The following CRTC1 variants were observed in gnomAD, a reference collection of about 807,000 sequenced individuals.
The protein encoded by CRTC1 is CREB regulated transcription coactivator 1.
CRTC1 carries 18 observed loss-of-function variants against 66.1 expected under a neutral mutation model. The ratio of observed to expected loss-of-function variants is 0.27; its 90% CI spans 0.19 to 0.40. The LOEUF (loss-of-function observed/expected upper bound fraction) is 0.40. CRTC1 is among the 10% of genes least tolerant of loss of function. The pLI is 1.00. For synonymous variants in CRTC1, 416 were observed against 398.8 expected (o/e 1.04, Z -0.51); for missense variants, 669 against 887.9 (o/e 0.75, Z 3.13).
chr19:18,773,228 C>T (rs1423376399), intron 11 of CRTC1, among the ~76,000 whole-genome samples: 1 of 152,068 alleles, frequency 6.6e-6, no homozygotes. Flanking sequence ...ACCTGCCTTC[C>T]CTCTGCACTG....
At position 18,768,621 on chromosome 19, in the gene CRTC1, C is replaced by T. The variant is rs753051928; in HGVS notation, c.1148C>T (p.Pro383Leu). ...PPPASQQPPP[P>L]PPPQAPVRLP... is the part of the protein sequence containing the mutation. ...CCCGCGTCCCAGCAGCCACCACCCC[C>T]GCCACCCCCACAGGCGCCCGTCCGC... Residue 383 changes from proline to leucine, a missense_variant, in exon 10 of 14, where the codon CCG becomes CTG. This residue lies in a region of CRTC1 where 241 missense variants were observed against 242.2 expected (regional missense o/e 0.99). Transcript: ENST00000321949. The surrounding 1 kb of genome is among the most constrained non-coding windows in gnomAD (Gnocchi z 5.6). The T allele has an allele frequency of 1.8e-5, 27 of 1,506,586 alleles. No homozygotes were observed. The highest frequency in any genetic ancestry group is 2.5e-5 in the East Asian group (1 of 40,640). The allele number at this position is 1,506,586 out of a possible 1,614,324, so 93.3% of individuals were successfully genotyped here. A position where few individuals can be genotyped will look rare whatever the true frequency, so the allele number is the denominator to read the frequency against.
At chr19:18,770,064 A>T (rs1457611611) in intron 10 of CRTC1, among the ~76,000 whole-genome samples, 3 of 137,606 alleles carry the variant, frequency 2.2e-5, no homozygotes, top group African/African-American at 8.0e-5. Context: ...AACTGCCCAG[A>T]AGGCGCCACC....
At chr19:18,742,862 G>A (rs2054140605) in intron 1 of CRTC1, 48 bp from the exon 2 acceptor site, 1 of 1,402,956 alleles carries the variant, frequency 7.1e-7, no homozygotes, top group Non-Finnish European at 1.0e-6. Context: ...ACTCTGAGGT[G>A]AGCCTGGGAG....
intron 1 of CRTC1, among the ~76,000 whole-genome samples, chr19:18,719,754 G>A (rs1022325850): frequency 6.6e-6 from 1 of 152,238 alleles, no homozygotes; most frequent in African/African-American, 2.4e-5. Flanking sequence ...GAATCCCAGA[G>A]GCCTGCGGGC....
intron 1 of CRTC1, among the ~76,000 whole-genome samples, chr19:18,733,661 C>T (rs2053937728): frequency 6.6e-6 from 1 of 152,352 alleles, no homozygotes; most frequent in East Asian, 1.9e-4. Context: ...ACCAGCCATG[C>T]AGCGAGGGGT....
chr19:18,768,847 G>A lies in CRTC1; in HGVS notation c.1320+54G>A, dbSNP rs1415508018. ...CTGACTGGGGGTCTTGTAGAGGACA[G>A]CCCGGGGGCTGCAGAACAGTCGGGT... On this transcript the variant is annotated intron_variant, in intron 10 of 13. Transcript: ENST00000321949. This position sits in a 1 kb window ranked among gnomAD's most constrained non-coding sequence, Gnocchi z 5.6. The A allele has an allele frequency of 5.2e-6, 8 of 1,530,820 alleles. No homozygotes were observed. The East Asian group carries it at 1.9e-4, about 37-fold the overall frequency. 94.8% of individuals were successfully genotyped at this position (1,530,820 alleles called of 1,614,324 possible).
In CRTC1 at chr19:18,778,152, C is replaced by T. The variant is rs892154206; in HGVS notation, c.*770C>T. On this transcript the variant is annotated 3_prime_UTR_variant, in exon 14 of 14. Coordinates refer to ENST00000321949, the MANE Select transcript of CRTC1 (RefSeq NM_015321.3). ...GTGACCGGAAGGCCCCGTGAGGGGT[C>T]GAACGCGGAGGCAGGGGTTACCTCT... 8 of 232,696 alleles carry T rather than the reference C, an allele frequency of 3.4e-5. No homozygotes were observed. Among genetic ancestry groups the T allele is most frequent in the Admixed American group, 1.7e-4 (3 of 17,760 alleles). 14.4% of individuals were successfully genotyped at this position (232,696 alleles called of 1,614,324 possible). A position where few individuals can be genotyped will look rare whatever the true frequency, so the allele number is the denominator to read the frequency against.
Position 18,771,660 on chromosome 19 carries a change from A to T in CRTC1, c.1425+114A>T. 1.3e-6 allele frequency: 1 copy of T among 793,020 alleles called. No homozygotes were observed. Among genetic ancestry groups the T allele is most frequent in the Non-Finnish European group, 2.1e-6 (1 of 478,062 alleles). The allele number at this position is 793,020 out of a possible 1,614,324, so 49.1% of individuals were successfully genotyped here. On this transcript the variant is annotated intron_variant, in intron 11 of 13. Coordinates refer to ENST00000321949, the MANE Select transcript of CRTC1 (RefSeq NM_015321.3). The surrounding 1 kb of genome is among the most constrained non-coding windows in gnomAD (Gnocchi z 4.6). Reference sequence around the variant, plus strand: ...TGCATCGCTCCTCATGCATGTCCTCATGCATCCCATCCCGTCCACGCCATC... The same window carrying T: ...TGCATCGCTCCTCATGCATGTCCTCTTGCATCCCATCCCGTCCACGCCATC...
intron 13 of CRTC1, among the ~76,000 whole-genome samples, chr19:18,776,221 C>G (rs189602959): frequency 1.7e-4 from 26 of 152,316 alleles, no homozygotes; most frequent in Non-Finnish European, 3.4e-4. Flanking sequence ...TCTGGTGAGC[C>G]CAGCCTGGGC....
At chr19:18,738,576 C>T (rs755376625) in intron 1 of CRTC1, among the ~76,000 whole-genome samples, 3 of 151,908 alleles carry the variant, frequency 2.0e-5, no homozygotes, top group Non-Finnish European at 2.9e-5. Context: ...CTGAGGCAGG[C>T]GGATCACCTG....
intron 10 of CRTC1, among the ~76,000 whole-genome samples, chr19:18,770,219 C>T (rs1601006657): frequency 1.3e-5 from 2 of 152,236 alleles, no homozygotes; most frequent in Admixed American, 6.5e-5. Flanking sequence ...GGTCTGAATC[C>T]GGGGCCTGGC....
intron 2 of CRTC1, among the ~76,000 whole-genome samples, chr19:18,743,714 C>G (rs1352637311): frequency 6.6e-6 from 1 of 152,228 alleles, no homozygotes; most frequent in African/African-American, 2.4e-5. Context: ...GAGCCGGGGC[C>G]CCTCCCAAGT....
At chr19:18,776,908 G>A (rs150132842) in intron 13 of CRTC1, among the ~76,000 whole-genome samples, 14 of 152,264 alleles carry the variant, frequency 9.2e-5, no homozygotes, top group African/African-American at 3.4e-4. Flanking sequence ...ACAGCCCTTG[G>A]CCCGAGGCTT....
intron 1 of CRTC1, among the ~76,000 whole-genome samples, chr19:18,721,779 G>A (rs991239713): frequency 1.1e-4 from 16 of 152,334 alleles, no homozygotes; most frequent in African/African-American, 3.8e-4. Context: ...ATAGGCGTGA[G>A]CCATGCACCT....
intron 1 of CRTC1, among the ~76,000 whole-genome samples, chr19:18,699,174 C>T (rs1462781060): frequency 6.6e-6 from 1 of 152,178 alleles, no homozygotes; most frequent in African/African-American, 2.4e-5. Flanking sequence ...ATTCTGGAAT[C>T]TCATAGAAGC....
chr19:18,725,617 A>C (rs1333992004), intron 1 of CRTC1, among the ~76,000 whole-genome samples: 1 of 152,028 alleles, frequency 6.6e-6, no homozygotes, highest in Non-Finnish European at 1.5e-5. Context: ...TGGCTTGGCC[A>C]CTTGCATCCC....
chr19:18,742,982 A>G lies in CRTC1; in HGVS notation c.199A>G (p.Asn67Asp). 1 of 1,612,628 alleles carries G rather than the reference A, an allele frequency of 6.2e-7. No individual in the cohort carries two copies. Among genetic ancestry groups the G allele is most frequent in the Non-Finnish European group, 8.5e-7 (1 of 1,179,766 alleles). The change falls in exon 2 of 14, where the codon AAC becomes GAC. Residue 67 changes from asparagine (N) to aspartate (D), a missense_variant. Transcript: ENST00000321949. Reference sequence around the variant, plus strand: ...CCAGTACTATGGCGGGTCCCTGCCCAACGTGAACCAGATCGGGAGTGGCAC... The same window carrying G: ...CCAGTACTATGGCGGGTCCCTGCCCGACGTGAACCAGATCGGGAGTGGCAC... The part of the protein sequence containing the change: ...RGQYYGGSLP[N>D]VNQIGSGTMD...
Position 18,768,438 on chromosome 19 carries a change from C to A in CRTC1, c.1012-47C>A, listed in dbSNP as rs756627162. On this transcript the variant is annotated intron_variant, in intron 9 of 13. Transcript: ENST00000321949. This position sits in a 1 kb window ranked among gnomAD's most constrained non-coding sequence, Gnocchi z 5.6. The stretch of plus-strand genomic sequence containing the variant: ...GCTATGGGGGCCCGAGGGGGCCAGG[C>A]GCTGACAACCAGGGCCCGCCCTGCC... 1.9e-6 allele frequency: 3 copies of A among 1,546,216 alleles called. No individual in the cohort carries two copies. Among genetic ancestry groups the A allele is most frequent in the African/African-American group, 1.4e-5 (1 of 72,744 alleles).
chr19:18,692,921 A>G (rs1282428309), intron 1 of CRTC1, among the ~76,000 whole-genome samples: 1 of 148,712 alleles, frequency 6.7e-6, no homozygotes, highest in East Asian at 2.0e-4. Context: ...TAAAAATACA[A>G]AAAATTAGCT....
Sources: allele counts gnomAD v4.1 joint callset (sites outside exome capture counted in the v4.1 genomes callset), GRCh38; gene constraint gnomAD v4.1.1; regional missense constraint gnomAD v4.1.1; non-coding constraint Gnocchi (gnomAD v3.1); transcripts MANE v1.5; gene names NCBI Gene and HGNC (gene_info 2026-07-23, HGNC 2026-07-21).